The following DHCR7 variants were observed in gnomAD, a reference collection of about 807,000 sequenced individuals.
DHCR7 encodes 7-DHC reductase.
A neutral mutation model predicts 43.3 loss-of-function variants in DHCR7; 40 were observed. The ratio of observed to expected loss-of-function variants is 0.92; its 90% CI spans 0.72 to 1.20. DHCR7 has a LOEUF of 1.20. Ranked by LOEUF, DHCR7 falls within the 50% of genes most tolerant of loss-of-function variation. The pLI is 0.00. For missense variants in DHCR7, 608 were observed against 644.6 expected (o/e 0.94, Z 0.62); for synonymous variants, 298 against 271.4 (o/e 1.10, Z -0.96).
At chr11:71,431,803 T>G (rs1412302402), downstream of DHCR7, among the ~76,000 whole-genome samples, 1 of 152,208 alleles carries the variant, frequency 6.6e-6, no homozygotes, top group African/African-American at 2.4e-5. Context: ...ATATATCCTT[T>G]TATGTATATA....
rs897757720 is a variant in DHCR7, at chr11:71,438,070, C to G, written c.832-127G>C. The G allele has an allele frequency of 2.2e-5, 24 of 1,114,630 alleles. No individual in the cohort carries two copies. The South Asian group carries it at 3.1e-4, about 14-fold the overall frequency. 69.0% of individuals were successfully genotyped at this position (1,114,630 alleles called of 1,614,324 possible). On this transcript the variant is annotated intron_variant, in intron 7 of 8. Coordinates refer to ENST00000355527, the MANE Select transcript of DHCR7 (RefSeq NM_001360.3). ...GAGCTGCTCAGCAACTTCCTCAATG[C>G]TGGGGCTGTTCCTTCCCTGCGGCTG...
chr11:71,448,653 G>T (rs1178048689), upstream of DHCR7: 1 of 152,264 alleles, frequency 6.6e-6, no homozygotes, highest in Admixed American at 6.5e-5. Flanking sequence ...TGACCAGCTG[G>T]GGGTGGGGCG....
chr11:71,427,521 C>T (rs1298467536), downstream of DHCR7, among the ~76,000 whole-genome samples: 3 of 152,150 alleles, frequency 2.0e-5, no homozygotes, highest in Non-Finnish European at 4.4e-5. Flanking sequence ...TCACTAAATT[C>T]ACTTATTAGT....
At chr11:71,441,835 G>A (rs766555079) in intron 5 of DHCR7, among the ~76,000 whole-genome samples, 2 of 152,148 alleles carry the variant, frequency 1.3e-5, no homozygotes, top group Non-Finnish European at 2.9e-5. Flanking sequence ...GAGCTTCTGG[G>A]GGCAGAGTTG....
chr11:71,433,022 C>T (rs1042712234), downstream of DHCR7, among the ~76,000 whole-genome samples: 2 of 152,220 alleles, frequency 1.3e-5, no homozygotes, highest in African/African-American at 4.8e-5. Flanking sequence ...GGGAAAATAG[C>T]CTCTCTGAAT....
At chr11:71,446,578 G>A (rs982736802) in intron 2 of DHCR7, among the ~76,000 whole-genome samples, 18 of 152,168 alleles carry the variant, frequency 1.2e-4, no homozygotes, top group Admixed American at 5.2e-4. Flanking sequence ...TGTGGGATGT[G>A]GTAGAGAGTA....
At chr11:71,447,267 G>A (rs1045047001) in intron 2 of DHCR7, among the ~76,000 whole-genome samples, 3 of 152,234 alleles carry the variant, frequency 2.0e-5, no homozygotes, top group African/African-American at 7.2e-5. Context: ...CAGGGGATGT[G>A]TAACCTCAGA....
At chr11:71,447,157 T>A (rs939090506) in intron 2 of DHCR7, among the ~76,000 whole-genome samples, 1 of 152,160 alleles carries the variant, frequency 6.6e-6, no homozygotes, top group Non-Finnish European at 1.5e-5. Context: ...TAGAATGGGG[T>A]GGCATTCGTC....
In DHCR7 at chr11:71,443,984, G is replaced by A. The variant is rs1591113228; in HGVS notation, c.321+9C>T. 2.5e-6 allele frequency: 4 copies of A among 1,607,718 alleles called. No homozygotes were observed. The highest frequency in any genetic ancestry group is 3.4e-6 in the Non-Finnish European group (4 of 1,176,618). On this transcript the variant is annotated intron_variant, in intron 4 of 8. Transcript: ENST00000355527. ...GCTGTGTCCCAACCCCAGGGCAGGG[G>A]CTGCTGACCTGGAAGGTGACCCACA...
At chr11:71,438,226 G>C (rs952651150) in intron 7 of DHCR7, among the ~76,000 whole-genome samples, 1 of 152,174 alleles carries the variant, frequency 6.6e-6, no homozygotes, top group Non-Finnish European at 1.5e-5. Flanking sequence ...CCAAGGGGAA[G>C]GGATACATTC....
downstream of DHCR7, among the ~76,000 whole-genome samples, chr11:71,432,155 C>A (rs1044251199): frequency 1.3e-5 from 2 of 152,336 alleles, no homozygotes; most frequent in African/African-American, 2.4e-5. Context: ...ATACTTGCAC[C>A]AACATTGTTA....
In DHCR7 at chr11:71,435,580, T is replaced by A. The variant is rs1219026826; in HGVS notation, c.1223A>T (p.Tyr408Phe). The change falls in exon 9 of 9, where the codon TAC becomes TTC. Residue 408 changes from tyrosine to phenylalanine, a missense_variant. Transcript: ENST00000355527. ...GFWGVARHFNYVGDLMGSLAY... is the reference protein window; with the variant it reads ...GFWGVARHFNFVGDLMGSLAY... ...CAGGCTGCCCATCAGGTCGCCGACGTAGTTGAAGTGGCGGGCCACGCCCCA... is the reference window on the plus strand; with the variant it reads ...CAGGCTGCCCATCAGGTCGCCGACGAAGTTGAAGTGGCGGGCCACGCCCCA... 1 of 1,611,382 alleles carries A rather than the reference T, an allele frequency of 6.2e-7. No individual in the cohort carries two copies. The highest frequency in any genetic ancestry group is 8.5e-7 in the Non-Finnish European group (1 of 1,179,886).
At position 71,435,732 on chromosome 11, in the gene DHCR7, C is replaced by A. The variant is rs768526200; in HGVS notation, c.1071G>T (p.Gln357His). ...GYYIFRVANH[Q>H]KDLFRRTDGR... Reference sequence around the variant, plus strand: ...CATCCGTGCGGCGGAACAGGTCCTTCTGGTGGTTGGCCACCCGGAAGATGT... The same window carrying A: ...CATCCGTGCGGCGGAACAGGTCCTTATGGTGGTTGGCCACCCGGAAGATGT... Residue 357 changes from glutamine to histidine, a missense_variant, in exon 9 of 9, where the codon CAG (glutamine) becomes CAT (histidine). Gln to His is a conservative substitution (Grantham distance 24, BLOSUM62 0). Transcript: ENST00000355527. 1 of 1,612,568 alleles carries A rather than the reference C, an allele frequency of 6.2e-7. No homozygotes were observed. The highest frequency in any genetic ancestry group is 8.5e-7 in the Non-Finnish European group (1 of 1,179,430).
chr11:71,438,957 G>A lies in DHCR7; in HGVS notation c.753C>T (p.Ile251=), dbSNP rs1949319705. 2.5e-6 allele frequency: 4 copies of A among 1,614,076 alleles called. No individual in the cohort carries two copies. Among genetic ancestry groups the A allele is most frequent in the South Asian group, 2.2e-5 (2 of 91,090 alleles). The change falls in exon 7 of 9, where the codon ATC becomes ATT. Residue 251 remains isoleucine (I), a synonymous_variant. Coordinates refer to ENST00000355527, the MANE Select transcript of DHCR7 (RefSeq NM_001360.3). The part of the protein sequence containing the change: ...GRPGIVAWTL[I]NLSFAAKQRE... ...GCTGCTTCGCTGCGAAGGACAGGTT[G>A]ATGAGGGTCCAGGCGACGATCCCGG... is the stretch of plus-strand genomic sequence containing the variant.
chr11:71,437,966 G>T, intron 7 of DHCR7, 23 bp from the exon 8 acceptor site: 1 of 1,610,466 alleles, frequency 6.2e-7, no homozygotes, highest in Non-Finnish European at 8.5e-7. Context: ...AGCAGCCGCT[G>T]ACCACCCCCG....
chr11:71,448,626 T>G (rs917292267), upstream of DHCR7: 2 of 152,346 alleles, frequency 1.3e-5, no homozygotes, highest in African/African-American at 4.8e-5. Context: ...CCTCTGGCGC[T>G]TCTTCGGGAT....
chr11:71,429,753 C>T (rs1463881892), downstream of DHCR7, among the ~76,000 whole-genome samples: 1 of 152,060 alleles, frequency 6.6e-6, no homozygotes, highest in African/African-American at 2.4e-5. Flanking sequence ...GTCACCAAGC[C>T]GTGGAGGTGT....
intron 4 of DHCR7, 58 bp from the exon 5 acceptor site, chr11:71,442,411 C>T (rs930971297): frequency 2.1e-5 from 26 of 1,229,584 alleles, no homozygotes; most frequent in Middle Eastern, 1.9e-4. Context: ...CAAAGGGGGA[C>T]GCATAGCAGG....
rs1236276448 is a variant in DHCR7 at position 71,441,227 on chromosome 11, C to G, written c.626G>C (p.Cys209Ser). The change falls in exon 6 of 9, where the codon TGC (cysteine) becomes TCC (serine). Residue 209 changes from cysteine (C) to serine (S), a missense_variant and splice_region_variant. Transcript: ENST00000355527. Reference protein sequence around the residue: ...GYFFPTSARDCKFTGNFFYNY... With the variant: ...GYFFPTSARDSKFTGNFFYNY... ...GCTGGACCCGCTGCTAAGAACATAC[C>G]AGTCTCTGGCGCTGGTGGGGAAGAA... 6.2e-7 allele frequency: 1 copy of G among 1,614,024 alleles called. No homozygotes were observed. Among genetic ancestry groups the G allele is most frequent in the Non-Finnish European group, 8.5e-7 (1 of 1,179,984 alleles).
Sources: gnomAD v4.1 joint callset for allele counts (sites outside exome capture counted in the v4.1 genomes callset) on GRCh38, gnomAD v4.1.1 for gene constraint, MANE v1.5 for transcripts, NCBI Gene and HGNC (gene_info 2026-07-23, HGNC 2026-07-21) for gene names.